TRAPPC12: variants seen among roughly 807,000 people sequenced by gnomAD.
The protein encoded by TRAPPC12 is TPR repeat protein 15.
TRAPPC12 carries 61 observed loss-of-function variants against 69.2 expected under a neutral mutation model. The ratio of observed to expected loss-of-function variants is 0.88; its 90% CI spans 0.72 to 1.09. The LOEUF (loss-of-function observed/expected upper bound fraction) is 1.09, where lower values mean the gene tolerates loss of function less well. Ranked by LOEUF, TRAPPC12 falls within the 50% of genes least tolerant of loss-of-function variation. TRAPPC12 has a pLI of 0.00. For missense variants in TRAPPC12, 1,101 were observed against 1,016.4 expected, an observed-to-expected ratio of 1.08 and a Z score of -1.13; for synonymous variants, 469 against 438.9, an observed-to-expected ratio of 1.07 and a Z score of -0.86.
chr2:3,436,752 C>A (rs1663810456), intron 5 of TRAPPC12, among the ~76,000 whole-genome samples: 2 of 150,266 alleles, frequency 1.3e-5, no homozygotes, highest in South Asian at 4.3e-4. Context: ...CCCCCATCAC[C>A]CCTGGATTAA....
At chr2:3,477,617 A>T (rs1666349464) in intron 9 of TRAPPC12, 78 bp from the exon 10 acceptor site, 1 of 743,352 alleles carries the variant, frequency 1.3e-6, no homozygotes, top group Non-Finnish European at 2.2e-6. Flanking sequence ...TTCTAACATG[A>T]TATTAGGGAA....
At chr2:3,468,895 G>A (rs34835473) in intron 9 of TRAPPC12, among the ~76,000 whole-genome samples, 3,018 of 152,300 alleles carry the variant, frequency 0.02, 40 homozygotes, top group Non-Finnish European at 0.031. Flanking sequence ...TCAGATTGCA[G>A]TCGATGAGAG....
At chr2:3,392,247 G>A (rs990233153) in intron 2 of TRAPPC12, among the ~76,000 whole-genome samples, 2 of 152,060 alleles carry the variant, frequency 1.3e-5, no homozygotes, top group South Asian at 2.1e-4. Flanking sequence ...AAACAGATCC[G>A]AATGACTTGT....
At chr2:3,412,433 G>A (rs1027054337) in intron 3 of TRAPPC12, among the ~76,000 whole-genome samples, 1 of 152,092 alleles carries the variant, frequency 6.6e-6, no homozygotes, top group African/African-American at 2.4e-5. Context: ...GTGGTGGTGG[G>A]CGCCTGTAAT....
At chr2:3,438,596 G>T (rs1664019513) in intron 5 of TRAPPC12, among the ~76,000 whole-genome samples, 2 of 100,352 alleles carry the variant, frequency 2.0e-5, no homozygotes, top group African/African-American at 4.0e-5. Context: ...CCATCCCCCT[G>T]GGTTAATCCC....
intron 6 of TRAPPC12, chr2:3,456,108 G>A (rs1665135896): frequency 6.6e-6 from 1 of 152,196 alleles, no homozygotes. Flanking sequence ...AAACTGGCTA[G>A]ATTCTTTTCA....
intron 9 of TRAPPC12, among the ~76,000 whole-genome samples, chr2:3,468,991 G>A (rs954648804): frequency 7.9e-5 from 12 of 152,080 alleles, no homozygotes; most frequent in African/African-American, 1.5e-4. Context: ...AATTGACTGC[G>A]CTCTGTTTTA....
intron 5 of TRAPPC12, among the ~76,000 whole-genome samples, chr2:3,440,680 G>A (rs1664150098): frequency 1.3e-5 from 2 of 152,072 alleles, no homozygotes. Context: ...GCATTAGCTC[G>A]AACTTCCAGT....
chr2:3,413,989 C>T (rs1014702170), intron 3 of TRAPPC12, among the ~76,000 whole-genome samples: 2 of 152,142 alleles, frequency 1.3e-5, no homozygotes, highest in Non-Finnish European at 2.9e-5. Flanking sequence ...CCACCCTGCC[C>T]CTCCCCTCCT....
At chr2:3,387,571 G>A in intron 1 of TRAPPC12, 49 bp from the exon 2 acceptor site, 1 of 1,391,402 alleles carries the variant, frequency 7.2e-7, no homozygotes, top group South Asian at 1.5e-5. Flanking sequence ...TTTCGGTTGA[G>A]GTGAATGAAG....
At chr2:3,422,533 T>C (rs1299306431) in intron 4 of TRAPPC12, among the ~76,000 whole-genome samples, 3 of 152,230 alleles carry the variant, frequency 2.0e-5, no homozygotes, top group African/African-American at 7.2e-5. Flanking sequence ...TACCTTTCCC[T>C]GGGGAGTTTT....
chr2:3,419,690 T>C (rs897151117), intron 3 of TRAPPC12, among the ~76,000 whole-genome samples: 6 of 152,042 alleles, frequency 3.9e-5, no homozygotes, highest in African/African-American at 1.5e-4. Context: ...GAAATCTCAT[T>C]TGAGTTGCCC....
Position 3,462,341 on chromosome 2 carries a change from C to A in TRAPPC12, c.1677+2005C>A, listed in dbSNP as rs550373023. On this transcript the variant is annotated intron_variant, in intron 8 of 11. Transcript: ENST00000324266. ...ATGGACATGATTTAATTTGAAAGTT[C>A]AGCTTAAGCTTTCATTTTCATGAGT... is the stretch of plus-strand genomic sequence containing the variant. Among the ~76,000 whole-genome samples, 19 of 152,262 alleles carry A rather than the reference C, an allele frequency of 1.2e-4. No individual in the cohort carries two copies. The South Asian group carries it at 3.9e-3, about 32-fold the overall frequency.
intron 9 of TRAPPC12, among the ~76,000 whole-genome samples, chr2:3,466,927 A>C (rs1487978886): frequency 6.6e-6 from 1 of 152,180 alleles, no homozygotes; most frequent in Non-Finnish European, 1.5e-5. Context: ...ATCATAGTAA[A>C]ATAGTACGCT....
intron 6 of TRAPPC12, chr2:3,457,288 T>TG (rs1220206622): frequency 8.3e-6 from 2 of 240,508 alleles, no homozygotes; most frequent in Admixed American, 6.4e-5. Context: ...AGACTACCAG[T>TG]GGGGGGAGGG....
intron 2 of TRAPPC12, chr2:3,389,664 A>AG (rs1452433464): frequency 2.1e-6 from 1 of 471,010 alleles, no homozygotes; most frequent in Non-Finnish European, 4.4e-6. Context: ...GGGCAGCCGA[A>AG]GGGGGTGGGG....
intron 2 of TRAPPC12, among the ~76,000 whole-genome samples, chr2:3,397,118 T>A (rs549032465): frequency 6.6e-6 from 1 of 152,368 alleles, no homozygotes; most frequent in South Asian, 2.1e-4. Flanking sequence ...TCTAGTAATT[T>A]TTTATTAGAA....
At chr2:3,394,192 A>T (rs1207145115) in intron 2 of TRAPPC12, among the ~76,000 whole-genome samples, 2 of 152,168 alleles carry the variant, frequency 1.3e-5, no homozygotes, top group Non-Finnish European at 2.9e-5. Flanking sequence ...ATGATACGTC[A>T]TCTGGAAGAC....
At position 3,388,228 on chromosome 2, in the gene TRAPPC12, C is replaced by T. The variant is rs1660602863; in HGVS notation, c.605C>T (p.Pro202Leu). The T allele has an allele frequency of 5.6e-6, 9 of 1,608,714 alleles. No individual in the cohort carries two copies. The highest frequency in any genetic ancestry group is 6.8e-6 in the Non-Finnish European group (8 of 1,177,788). ...SARTPPQVVQPSPSLSTFFGD... is the reference protein window; with the variant it reads ...SARTPPQVVQLSPSLSTFFGD... ...AGGACACCGCCCCAGGTCGTGCAGC[C>T]CAGCCCCAGCCTCAGCACGTTCTTC... The change falls in exon 2 of 12, where the codon CCC becomes CTC. Residue 202 changes from proline (P) to leucine (L), a missense_variant. Transcript: ENST00000324266.
Sources: gnomAD v4.1 joint callset for allele counts (sites outside exome capture counted in the v4.1 genomes callset) on GRCh38, gnomAD v4.1.1 for gene constraint, MANE v1.5 for transcripts, NCBI Gene and HGNC (gene_info 2026-07-23, HGNC 2026-07-21) for gene names.